The following GABRB2 variants were observed in gnomAD, a reference collection of about 807,000 sequenced individuals.
The protein encoded by GABRB2 is gamma-aminobutyric acid type A receptor subunit beta2.
GABRB2 carries 16 observed loss-of-function variants against 54.7 expected under a neutral mutation model. That is an observed-to-expected ratio of 0.29 (90% CI 0.20 to 0.44). The LOEUF is 0.44. GABRB2 is among the 20% of genes least tolerant of loss of function. The probability of loss-of-function intolerance (pLI) is 1.00; values close to 1 mark genes in which losing one functional copy is unlikely to be tolerated. For missense variants in GABRB2, 355 were observed against 644.0 expected (o/e 0.55, Z 4.86); for synonymous variants, 244 against 233.8 (o/e 1.04, Z -0.40).
chr5:161,507,142 A>C (rs1349684732), intron 3 of GABRB2, among the ~76,000 whole-genome samples: 3 of 152,132 alleles, frequency 2.0e-5, no homozygotes, highest in African/African-American at 7.2e-5. Context: ...CATGAAAGAC[A>C]AGGGAAACCT....
intron 3 of GABRB2, among the ~76,000 whole-genome samples, chr5:161,470,900 A>G (rs1758418887): frequency 6.6e-6 from 1 of 151,986 alleles, no homozygotes; most frequent in Non-Finnish European, 1.5e-5. Flanking sequence ...TATCTTTAAC[A>G]CAGGTGACCC....
At chr5:161,440,943 G>A (rs1481496126) in intron 4 of GABRB2, among the ~76,000 whole-genome samples, 1 of 152,110 alleles carries the variant, frequency 6.6e-6, no homozygotes, top group East Asian at 1.9e-4. Context: ...AGACCCCTAT[G>A]TATCACCATA....
chr5:161,321,956 G>A (rs1433746275), intron 9 of GABRB2, among the ~76,000 whole-genome samples: 1 of 151,754 alleles, frequency 6.6e-6, no homozygotes, highest in Non-Finnish European at 1.5e-5. Context: ...ATTTTTCCAG[G>A]GAACAACCTG....
intron 5 of GABRB2, among the ~76,000 whole-genome samples, chr5:161,393,902 A>G (rs1755913820): frequency 6.6e-6 from 1 of 152,130 alleles, no homozygotes; most frequent in Non-Finnish European, 1.5e-5. Context: ...TTTTGATCTA[A>G]TTGTCACATT....
chr5:161,535,807 T>C (rs1760615964), intron 3 of GABRB2, among the ~76,000 whole-genome samples: 1 of 152,168 alleles, frequency 6.6e-6, no homozygotes, highest in Admixed American at 6.5e-5. Flanking sequence ...CCAGTGTGGC[T>C]CTGTTGGGAG....
chr5:161,541,557 T>A (rs530258322), intron 3 of GABRB2, among the ~76,000 whole-genome samples: 5 of 152,252 alleles, frequency 3.3e-5, no homozygotes, highest in African/African-American at 1.2e-4. Context: ...AGCTTCTCCA[T>A]CAGCATTTGC....
intron 5 of GABRB2, among the ~76,000 whole-genome samples, chr5:161,386,749 C>G (rs921657696): frequency 2.0e-5 from 3 of 150,232 alleles, no homozygotes; most frequent in Non-Finnish European, 4.4e-5. Flanking sequence ...ACCATGTTGC[C>G]CAGGCTGGTC....
At chr5:161,372,917 A>G (rs1755173752) in intron 5 of GABRB2, among the ~76,000 whole-genome samples, 1 of 152,188 alleles carries the variant, frequency 6.6e-6, no homozygotes, top group Non-Finnish European at 1.5e-5. Context: ...TCATGGGAAC[A>G]GTGTGTCTCC....
At chr5:161,462,826 G>A (rs776638495) in intron 3 of GABRB2, among the ~76,000 whole-genome samples, 8 of 152,042 alleles carry the variant, frequency 5.3e-5, no homozygotes, top group South Asian at 4.2e-4. Context: ...CTCCTGATTC[G>A]AACTCAATGT....
At chr5:161,354,232 C>G (rs1754550035) in intron 5 of GABRB2, among the ~76,000 whole-genome samples, 1 of 151,986 alleles carries the variant, frequency 6.6e-6, no homozygotes. Flanking sequence ...AACGTACCAG[C>G]TGATTCTGAT....
chr5:161,484,349 T>C (rs1758854264), intron 3 of GABRB2, among the ~76,000 whole-genome samples: 1 of 151,984 alleles, frequency 6.6e-6, no homozygotes, highest in Non-Finnish European at 1.5e-5. Flanking sequence ...AGGAACTCTT[T>C]CTTACTAACT....
chr5:161,294,495 G>A, intron 9 of GABRB2, 67 bp from the exon 10 acceptor site: 1 of 1,370,746 alleles, frequency 7.3e-7, no homozygotes, highest in Admixed American at 1.9e-5. Flanking sequence ...ACTAGGCAAG[G>A]CACTATGATC....
intron 9 of GABRB2, among the ~76,000 whole-genome samples, chr5:161,323,670 G>A (rs970173992): frequency 7.2e-5 from 11 of 152,004 alleles, no homozygotes; most frequent in Admixed American, 2.6e-4. Flanking sequence ...ACTAGACATG[G>A]GATTTTGGAG....
intron 3 of GABRB2, among the ~76,000 whole-genome samples, chr5:161,490,760 G>GT (rs1250068271): frequency 5.3e-5 from 8 of 151,806 alleles, no homozygotes; most frequent in Admixed American, 5.3e-4. Flanking sequence ...ATAAAAACAC[G>GT]TAAGTGCCTC....
chr5:161,462,400 A>G (rs865777745), intron 3 of GABRB2, among the ~76,000 whole-genome samples: 17 of 152,224 alleles, frequency 1.1e-4, no homozygotes, highest in African/African-American at 4.1e-4. Flanking sequence ...ACCTAAAAAC[A>G]GGACATAAAA....
chr5:161,401,585 A>G (rs1756193074), intron 5 of GABRB2, among the ~76,000 whole-genome samples: 1 of 152,206 alleles, frequency 6.6e-6, no homozygotes, highest in African/African-American at 2.4e-5. Context: ...CAATAATTGT[A>G]ATGCCTCAAG....
rs560025406 is a variant in GABRB2, at chr5:161,314,360, C to G, written c.1191+12008G>C. On this transcript the variant is annotated intron_variant, in intron 9 of 9. Coordinates refer to ENST00000393959, the MANE Select transcript of GABRB2 (RefSeq NM_001371727.1). Reference sequence around the variant, plus strand: ...AGAAATTTTCTGCAGTAGAAGCTAGCAGAAGTGTTGAGAGGCAAAGAGACA... The same window carrying G: ...AGAAATTTTCTGCAGTAGAAGCTAGGAGAAGTGTTGAGAGGCAAAGAGACA... 2.0e-5 allele frequency among the ~76,000 whole-genome samples: 3 copies of G among 152,242 alleles called. No homozygotes were observed. The South Asian group carries it at 6.2e-4, about 32-fold the overall frequency.
At chr5:161,432,692 A>G (rs1247334967) in intron 4 of GABRB2, among the ~76,000 whole-genome samples, 1 of 152,080 alleles carries the variant, frequency 6.6e-6, no homozygotes, top group Non-Finnish European at 1.5e-5. Flanking sequence ...AAACTAGATG[A>G]GTGTAGGGCC....
At chr5:161,427,793 T>C (rs1050415977) in intron 4 of GABRB2, among the ~76,000 whole-genome samples, 1 of 152,064 alleles carries the variant, frequency 6.6e-6, no homozygotes, top group African/African-American at 2.4e-5. Context: ...AACAAAATGG[T>C]TTAGGAGTAT....
Sources: gnomAD v4.1 joint callset for allele counts (sites outside exome capture counted in the v4.1 genomes callset) on GRCh38, gnomAD v4.1.1 for gene constraint, MANE v1.5 for transcripts, NCBI Gene and HGNC (gene_info 2026-07-23, HGNC 2026-07-21) for gene names.